The following PPP2R2B variants were observed in gnomAD, a reference collection of about 807,000 sequenced individuals.
The protein encoded by PPP2R2B is protein phosphatase 2 regulatory subunit Bbeta, also known as serine/threonine-protein phosphatase 2A 55 kDa regulatory subunit B beta isoform.
In PPP2R2B, 5 loss-of-function variants were observed where a neutral mutation model predicts 46.0. That is an observed-to-expected ratio of 0.11 (90% CI 0.06 to 0.23). The LOEUF is 0.23. Ranked by LOEUF, PPP2R2B falls within the 10% of genes least tolerant of loss-of-function variation. PPP2R2B has a pLI of 1.00. For missense variants in PPP2R2B, 367 were observed against 575.0 expected (o/e 0.64, Z 3.70); for synonymous variants, 215 against 206.7 (o/e 1.04, Z -0.34).
At chr5:147,005,735 CAG>C (rs979779772) in intron 1 of PPP2R2B, among the ~76,000 whole-genome samples, 6 of 151,350 alleles carry the variant, frequency 4.0e-5, no homozygotes, top group Admixed American at 2.6e-4. Flanking sequence ...GACAGAGAAA[CAG>C]AAAGTCAAAG....
rs1056602340 is a variant in PPP2R2B, at chr5:147,060,991, C to T, written c.50+20068G>A. Among the ~76,000 whole-genome samples the T allele has an allele frequency of 9.2e-5, 14 of 152,184 alleles. 1 individual carries two copies. Among genetic ancestry groups the T allele is most frequent in the Admixed American group, 9.2e-4 (14 of 15,284 alleles). ...CTGACAATTTCCATCACACTTCCTACACCCACTAGCCAGTGTGTGAAATTC... is the reference window on the plus strand; with the variant it reads ...CTGACAATTTCCATCACACTTCCTATACCCACTAGCCAGTGTGTGAAATTC... On this transcript the variant is annotated intron_variant, in intron 2 of 10. Coordinates refer to the PPP2R2B transcript ENST00000394413.
chr5:146,651,851 G>A (rs764212198), intron 5 of PPP2R2B, among the ~76,000 whole-genome samples: 1 of 152,206 alleles, frequency 6.6e-6, no homozygotes, highest in Non-Finnish European at 1.5e-5. Context: ...ATTTTCTGAA[G>A]TGCAGTCACC....
chr5:146,715,022 C>T (rs1221149965), intron 2 of PPP2R2B, among the ~76,000 whole-genome samples: 2 of 152,202 alleles, frequency 1.3e-5, no homozygotes, highest in African/African-American at 4.8e-5. Context: ...ACTACAAGAT[C>T]ACTTCCACAT....
intron 1 of PPP2R2B, among the ~76,000 whole-genome samples, chr5:146,998,465 A>C (rs1754019092): frequency 6.6e-6 from 1 of 152,190 alleles, no homozygotes; most frequent in South Asian, 2.1e-4. Context: ...GTTTGGGCAG[A>C]TGCAACTAAA....
intron 2 of PPP2R2B, among the ~76,000 whole-genome samples, chr5:146,803,751 A>G (rs1327033423): frequency 1.3e-5 from 2 of 152,224 alleles, no homozygotes; most frequent in Admixed American, 6.5e-5. Context: ...TGCCATTTAT[A>G]AACTATGTGG....
At chr5:146,591,818 T>G (rs1281880512) in intron 9 of PPP2R2B, among the ~76,000 whole-genome samples, 1 of 152,144 alleles carries the variant, frequency 6.6e-6, no homozygotes, top group Admixed American at 6.5e-5. Flanking sequence ...TTTATGAGGT[T>G]GGGCAGATTA....
intron 1 of PPP2R2B, among the ~76,000 whole-genome samples, chr5:146,992,953 TA>T (rs1165774679): frequency 6.6e-6 from 1 of 152,188 alleles, no homozygotes; most frequent in Non-Finnish European, 1.5e-5. Flanking sequence ...TTTTTATGTT[TA>T]TTTTTTTAGA....
chr5:146,803,120 G>A (rs1273216804), intron 2 of PPP2R2B, among the ~76,000 whole-genome samples: 1 of 152,122 alleles, frequency 6.6e-6, no homozygotes, highest in East Asian at 1.9e-4. Context: ...TTATTCCATA[G>A]AGCGCATGCC....
Position 146,670,577 on chromosome 5 carries a change from C to A in PPP2R2B, c.448-19853G>T, listed in dbSNP as rs549639050. 7.8e-4 allele frequency among the ~76,000 whole-genome samples: 119 copies of A among 151,938 alleles called. 2 individuals are homozygous for A. Among genetic ancestry groups the A allele is most frequent in the Non-Finnish European group, 1.0e-4 (7 of 67,986 alleles). ...GTGGCGCAATGTCGGCTCACTGCAA[C>A]CTCCGCCTCCCGAGTTCAAACAATT... On this transcript the variant is annotated intron_variant, in intron 5 of 9. Transcript: ENST00000394411.
intron 2 of PPP2R2B, among the ~76,000 whole-genome samples, chr5:146,747,188 C>T (rs577181205): frequency 2.0e-5 from 3 of 152,288 alleles, no homozygotes; most frequent in South Asian, 2.1e-4. Flanking sequence ...CCTCTGCTAT[C>T]GCTGAGTCAG....
At chr5:146,926,244 A>AT (rs940286613) in intron 1 of PPP2R2B, among the ~76,000 whole-genome samples, 3 of 151,152 alleles carry the variant, frequency 2.0e-5, no homozygotes, top group African/African-American at 4.9e-5. Flanking sequence ...GAATTCTGAT[A>AT]TTTTTTTTCC....
chr5:147,019,604 T>A lies in PPP2R2B; in HGVS notation c.79+36061A>T, dbSNP rs190473918. On this transcript the variant is annotated intron_variant, in intron 1 of 8. Coordinates refer to the PPP2R2B transcript ENST00000336640. ...TTTTTTGTTTTGTTTTGTTTTTTTT[T>A]AAAAAGTCTATCTATTACTTTGAAA... Among the ~76,000 whole-genome samples the A allele has an allele frequency of 6.1e-3, 932 of 152,008 alleles. 8 individuals are homozygous for A. The highest frequency in any genetic ancestry group is 0.018 in the African/African-American group (737 of 41,374).
At chr5:147,055,734 A>G (rs267600473) in exon 1 of PPP2R2B, 1 of 1,613,214 alleles carries the variant, frequency 6.2e-7, no homozygotes, top group Non-Finnish European at 8.5e-7. Context: ...TAACGAGAGA[A>G]GCATTTCATC....
chr5:146,692,719 A>G (rs1438091124), intron 4 of PPP2R2B, among the ~76,000 whole-genome samples: 2 of 151,842 alleles, frequency 1.3e-5, no homozygotes, highest in Non-Finnish European at 2.9e-5. Flanking sequence ...TATTTCTAGT[A>G]GAGACGGGGT....
At chr5:146,906,511 G>A (rs893868769) in intron 1 of PPP2R2B, among the ~76,000 whole-genome samples, 7 of 152,052 alleles carry the variant, frequency 4.6e-5, no homozygotes, top group East Asian at 1.9e-4. Context: ...TAGTAGAGAC[G>A]GGGTTTCTAC....
At position 146,716,454 on chromosome 5, in the gene PPP2R2B, T is replaced by C. The variant is rs150731144; in HGVS notation, c.71-15312A>G. 3.8e-3 allele frequency among the ~76,000 whole-genome samples: 585 copies of C among 152,326 alleles called. 4 individuals carry two copies. Among genetic ancestry groups the C allele is most frequent in the African/African-American group, 0.013 (540 of 41,570 alleles). ...ATAAAAGAATGTAAAATCTGAACCT[T>C]TCTCTAATAATACAATTTAGCTCTT... On this transcript the variant is annotated intron_variant, in intron 2 of 9. Transcript: ENST00000394411.
At chr5:147,009,898 C>CAT (rs1554084680) in intron 1 of PPP2R2B, among the ~76,000 whole-genome samples, 4,673 of 145,472 alleles carry the variant, frequency 0.032, 94 homozygotes, top group African/African-American at 0.038. Context: ...CACACACACA[C>CAT]ATATATATAT....
chr5:146,747,052 C>T (rs1753239296), intron 2 of PPP2R2B, among the ~76,000 whole-genome samples: 1 of 152,186 alleles, frequency 6.6e-6, no homozygotes. Flanking sequence ...GCTCCAGTAC[C>T]TACAACAGTG....
intron 1 of PPP2R2B, among the ~76,000 whole-genome samples, chr5:146,989,375 C>G (rs377689513): frequency 6.6e-6 from 1 of 152,036 alleles, no homozygotes; most frequent in African/African-American, 2.4e-5. Context: ...ACTAATTCAA[C>G]AACACATTAG....
Sources: allele counts gnomAD v4.1 joint callset (sites outside exome capture counted in the v4.1 genomes callset), GRCh38; gene constraint gnomAD v4.1.1; transcripts MANE v1.5; gene names NCBI Gene and HGNC (gene_info 2026-07-23, HGNC 2026-07-21).